Variants in CCDC192 observed in about 807,000 individuals in gnomAD.
CCDC192 encodes the protein coiled-coil domain containing 192.
chr5:127,878,722 G>T (rs917852699), intron 6 of CCDC192, among the ~76,000 whole-genome samples: 20 of 151,796 alleles, frequency 1.3e-4, no homozygotes, highest in Admixed American at 3.9e-4. Flanking sequence ...CTTTAAAGTA[G>T]TTTTTTCCAA....
chr5:127,789,861 C>A (rs1756764352), intron 3 of CCDC192, among the ~76,000 whole-genome samples: 1 of 152,318 alleles, frequency 6.6e-6, no homozygotes, highest in East Asian at 1.9e-4. Context: ...CAACTAAAGC[C>A]ATGATGGTGA....
At chr5:127,833,621 A>C (rs188496649) in intron 5 of CCDC192, among the ~76,000 whole-genome samples, 54 of 152,266 alleles carry the variant, frequency 3.5e-4, no homozygotes, top group African/African-American at 1.3e-3. Context: ...ATTTCTGTTA[A>C]TATTCAGGGG....
chr5:127,776,976 G>A (rs1391053743), intron 3 of CCDC192, among the ~76,000 whole-genome samples: 1 of 152,234 alleles, frequency 6.6e-6, no homozygotes, highest in African/African-American at 2.4e-5. Flanking sequence ...CCTCTGCTAG[G>A]ACAGCACAGA....
At chr5:127,736,027 C>G (rs1752966019) in intron 2 of CCDC192, among the ~76,000 whole-genome samples, 1 of 93,126 alleles carries the variant, frequency 1.1e-5, no homozygotes, top group African/African-American at 4.7e-5. Context: ...GGGAATGCTT[C>G]CAGTTTTTGC....
intron 5 of CCDC192, among the ~76,000 whole-genome samples, chr5:127,806,834 T>G (rs1757814472): frequency 6.6e-6 from 1 of 152,198 alleles, no homozygotes; most frequent in Admixed American, 6.5e-5. Context: ...TTTAAATTAC[T>G]TTAAGAAGAC....
chr5:127,793,958 C>T (rs1480100290), intron 3 of CCDC192, among the ~76,000 whole-genome samples: 1 of 152,170 alleles, frequency 6.6e-6, no homozygotes, highest in Non-Finnish European at 1.5e-5. Flanking sequence ...GTTAATAAAG[C>T]ACTTTAATAA....
At chr5:127,719,681 G>A (rs1751894134) in intron 2 of CCDC192, among the ~76,000 whole-genome samples, 1 of 150,928 alleles carries the variant, frequency 6.6e-6, no homozygotes, top group African/African-American at 2.4e-5. Flanking sequence ...ACCTGAGACT[G>A]GGTAATTTAT....
chr5:127,912,163 C>A (rs1329996147), intron 6 of CCDC192, among the ~76,000 whole-genome samples: 2 of 151,396 alleles, frequency 1.3e-5, no homozygotes, highest in Non-Finnish European at 2.9e-5. Context: ...AACTCCTGAC[C>A]TCATGATCCA....
In CCDC192 at chr5:127,887,629, T is replaced by C. The variant is rs1050443832; in HGVS notation, c.535+11968T>C. Among the ~76,000 whole-genome samples, 17 of 152,222 alleles carry C rather than the reference T, an allele frequency of 1.1e-4. 1 individual carries two copies. In the South Asian group the frequency reaches 3.1e-3, roughly 28 times the overall value. On this transcript the variant is annotated intron_variant, in intron 6 of 6. Transcript: ENST00000514853. ...TAATTTTTATTTCATTTTTGTAAGGTTTTGCCACAACCAGACATTATTCAT... is the reference window on the plus strand; with the variant it reads ...TAATTTTTATTTCATTTTTGTAAGGCTTTGCCACAACCAGACATTATTCAT...
At chr5:127,844,482 T>C (rs1750437403) in intron 5 of CCDC192, among the ~76,000 whole-genome samples, 1 of 152,118 alleles carries the variant, frequency 6.6e-6, no homozygotes, top group South Asian at 2.1e-4. Context: ...TCTAGACAGA[T>C]TCAGGGTTTG....
intron 5 of CCDC192, among the ~76,000 whole-genome samples, chr5:127,832,602 T>C (rs1465548440): frequency 4.6e-5 from 7 of 152,106 alleles, no homozygotes; most frequent in Admixed American, 6.6e-5. Flanking sequence ...AGTGATTGCC[T>C]CTGGGGGGAA....
intron 5 of CCDC192, among the ~76,000 whole-genome samples, chr5:127,849,335 G>A (rs1005441429): frequency 3.3e-5 from 5 of 151,964 alleles, no homozygotes; most frequent in Admixed American, 1.3e-4. Flanking sequence ...CACCTCCTCA[G>A]CACTCTCAGC....
At chr5:127,828,630 A>C (rs1197709099) in intron 5 of CCDC192, among the ~76,000 whole-genome samples, 1 of 152,170 alleles carries the variant, frequency 6.6e-6, no homozygotes, top group Non-Finnish European at 1.5e-5. Context: ...ATGCTAAGAC[A>C]GGGTAAATAT....
intron 2 of CCDC192, among the ~76,000 whole-genome samples, chr5:127,712,824 A>C (rs1445801679): frequency 6.6e-6 from 1 of 152,178 alleles, no homozygotes; most frequent in Non-Finnish European, 1.5e-5. Context: ...CTTTTGAAAA[A>C]CCTGCTAAAC....
chr5:127,713,380 T>C (rs1430312383), intron 2 of CCDC192, among the ~76,000 whole-genome samples: 2 of 152,258 alleles, frequency 1.3e-5, no homozygotes, highest in East Asian at 1.9e-4. Context: ...GAAGTATTTA[T>C]TCAAGCCTTT....
At chr5:127,893,483 T>C in intron 6 of CCDC192, among the ~76,000 whole-genome samples, 1 of 152,166 alleles carries the variant, frequency 6.6e-6, no homozygotes, top group East Asian at 1.9e-4. Context: ...AAGTGTGTTC[T>C]CACTATACCT....
At chr5:127,814,328 G>A (rs1758242378) in intron 5 of CCDC192, among the ~76,000 whole-genome samples, 1 of 152,180 alleles carries the variant, frequency 6.6e-6, no homozygotes, top group African/African-American at 2.4e-5. Context: ...TTAAAAACAA[G>A]TTATGTCCAG....
intron 5 of CCDC192, among the ~76,000 whole-genome samples, chr5:127,806,561 T>G (rs1397271976): frequency 1.3e-5 from 2 of 152,184 alleles, no homozygotes; most frequent in African/African-American, 4.8e-5. Flanking sequence ...CTTAATAAGC[T>G]TAGACTTCTC....
rs1749302045 is a variant in CCDC192, at chr5:127,821,734, A to AATGATGTTTGAAGACCCT, written c.411+23573_411+23590dup. Among the ~76,000 whole-genome samples, 4 of 152,308 alleles carry AATGATGTTTGAAGACCCT rather than the reference A, an allele frequency of 2.6e-5. No homozygotes were observed. In the South Asian group the frequency reaches 8.3e-4, roughly 32 times the overall value. ...ACCTCCTCAGGTGGTCCTTAGACCC[A>AATGATGTTTGAAGACCCT]ATGATGTTTGAAGACCCTTTCCTAG... On this transcript the variant is annotated intron_variant, in intron 5 of 6. Transcript: ENST00000514853.
Sources: allele counts gnomAD v4.1 joint callset (sites outside exome capture counted in the v4.1 genomes callset), GRCh38; gene constraint gnomAD v4.1.1; transcripts MANE v1.5; gene names NCBI Gene and HGNC (gene_info 2026-07-23, HGNC 2026-07-21).